Variants in IL1RAPL2 observed in about 807,000 individuals in gnomAD.
IL1RAPL2 encodes the protein X-linked interleukin-1 receptor accessory protein-like 2.
A neutral mutation model predicts 44.1 loss-of-function variants in IL1RAPL2; 3 were observed. That is an observed-to-expected ratio of 0.07 (90% CI 0.03 to 0.18). The LOEUF is 0.18. IL1RAPL2 is among the 10% of genes least tolerant of loss of function. The pLI is 1.00. For missense variants in IL1RAPL2, 391 were observed against 496.4 expected, an observed-to-expected ratio of 0.79 and a Z score of 2.02; for synonymous variants, 181 against 178.8, an observed-to-expected ratio of 1.01 and a Z score of -0.10.
intron 2 of IL1RAPL2, among the ~76,000 whole-genome samples, chrX:105,009,670 A>G (rs1485511237): frequency 1.8e-5 from 2 of 108,809 alleles, no homozygotes; most frequent in African/African-American, 6.7e-5. Flanking sequence ...TAATGGGTGC[A>G]GCACACCAAC....
chrX:104,885,873 G>A lies in IL1RAPL2; in HGVS notation c.82+226878G>A, dbSNP rs886229608. 1.1e-4 allele frequency among the ~76,000 whole-genome samples: 12 copies of A among 113,199 alleles called. No homozygotes were observed. In the South Asian group the frequency reaches 1.8e-3, roughly 17 times the overall value. On this transcript the variant is annotated intron_variant, in intron 2 of 10. Coordinates refer to ENST00000372582, the MANE Select transcript of IL1RAPL2 (RefSeq NM_017416.2). ...TGCTATGCTGAGGCAATCACTGGAA[G>A]GTGCACTGCCCCAGAGTGCAATGGT... is the stretch of plus-strand genomic sequence containing the variant.
intron 2 of IL1RAPL2, among the ~76,000 whole-genome samples, chrX:105,050,913 G>A (rs2031911942): frequency 8.9e-6 from 1 of 112,450 alleles, no homozygotes; most frequent in South Asian, 3.7e-4. Context: ...GCTCCTTTGT[G>A]CAGCTGGTCA....
intron 2 of IL1RAPL2, among the ~76,000 whole-genome samples, chrX:104,835,797 T>A (rs1219232433): frequency 8.9e-6 from 1 of 112,089 alleles, no homozygotes; most frequent in East Asian, 2.8e-4. Context: ...AGTTCTTCTG[T>A]GGGTAAAATT....
At chrX:104,622,019 A>T (rs1929410038) in intron 1 of IL1RAPL2, among the ~76,000 whole-genome samples, 1 of 111,129 alleles carries the variant, frequency 9.0e-6, no homozygotes, top group Non-Finnish European at 1.9e-5. Context: ...TGATGAAATC[A>T]TGTCATTTAG....
chrX:105,154,105 A>T (rs2033250447), intron 2 of IL1RAPL2, among the ~76,000 whole-genome samples: 1 of 111,743 alleles, frequency 8.9e-6, no homozygotes, highest in Admixed American at 9.5e-5. Flanking sequence ...TCAGGTTAGA[A>T]ATTGGTATCT....
intron 2 of IL1RAPL2, among the ~76,000 whole-genome samples, chrX:105,017,152 C>A (rs1252083922): frequency 9.0e-6 from 1 of 110,543 alleles, no homozygotes; most frequent in Non-Finnish European, 1.9e-5. Flanking sequence ...GTGGTGATAT[C>A]CCCTTTATCA....
intron 2 of IL1RAPL2, among the ~76,000 whole-genome samples, chrX:104,813,376 G>A (rs1429379978): frequency 1.9e-5 from 2 of 104,069 alleles, no homozygotes. Flanking sequence ...GGGCTGAAAA[G>A]GTAGACAAAC....
intron 2 of IL1RAPL2, among the ~76,000 whole-genome samples, chrX:104,993,256 T>A (rs1200700860): frequency 8.9e-6 from 1 of 111,831 alleles, no homozygotes; most frequent in Non-Finnish European, 1.9e-5. Flanking sequence ...TCTCTAATGA[T>A]GGTGCCGAAT....
intron 2 of IL1RAPL2, among the ~76,000 whole-genome samples, chrX:105,076,440 G>C (rs905204615): frequency 1.1e-4 from 12 of 111,550 alleles, no homozygotes; most frequent in African/African-American, 3.9e-4. Flanking sequence ...TTTTACATTT[G>C]CTGAGGAGTG....
rs372142866 is a variant in IL1RAPL2, at chrX:104,575,552, G to A, written c.-20+8501G>A. Among the ~76,000 whole-genome samples the A allele has an allele frequency of 4.5e-5, 5 of 111,334 alleles. No homozygotes were observed. In the East Asian group the frequency reaches 1.4e-3, roughly 31 times the overall value. On this transcript the variant is annotated intron_variant, in intron 1 of 10. Coordinates refer to ENST00000372582, the MANE Select transcript of IL1RAPL2 (RefSeq NM_017416.2). The stretch of plus-strand genomic sequence containing the variant: ...TAATTTTCTGCTCTAACTAGACAAG[G>A]ATAAAGCCTCATAAGATAGTGGCAG...
At chrX:105,409,291 A>G (rs1253463809) in intron 5 of IL1RAPL2, among the ~76,000 whole-genome samples, 3 of 110,936 alleles carry the variant, frequency 2.7e-5, no homozygotes, top group South Asian at 3.7e-4. Flanking sequence ...TGTAAAATTC[A>G]GGATAAATTA....
chrX:105,077,517 G>A (rs910113121), intron 2 of IL1RAPL2, among the ~76,000 whole-genome samples: 5 of 110,782 alleles, frequency 4.5e-5, no homozygotes, highest in African/African-American at 1.6e-4. Context: ...TGACAATTAT[G>A]TGTCTTGGAG....
chrX:105,408,194 G>A (rs1449175261), intron 5 of IL1RAPL2, among the ~76,000 whole-genome samples: 1 of 112,173 alleles, frequency 8.9e-6, no homozygotes, highest in African/African-American at 3.2e-5. Context: ...GCTGGTCCAA[G>A]ATGTAATACC....
At chrX:105,724,374 C>T (rs925729612) in intron 7 of IL1RAPL2, among the ~76,000 whole-genome samples, 1 of 110,713 alleles carries the variant, frequency 9.0e-6, no homozygotes, top group African/African-American at 3.3e-5. Context: ...TTTGTTTGCT[C>T]TCTGGGTCAG....
chrX:105,585,206 T>C (rs1052419240), intron 6 of IL1RAPL2, among the ~76,000 whole-genome samples: 1 of 110,950 alleles, frequency 9.0e-6, no homozygotes, highest in African/African-American at 3.3e-5. Flanking sequence ...TGGATTTTAA[T>C]ATGTTTCTAT....
At chrX:105,600,606 T>C (rs2037244170) in intron 6 of IL1RAPL2, among the ~76,000 whole-genome samples, 1 of 108,602 alleles carries the variant, frequency 9.2e-6, no homozygotes, top group Non-Finnish European at 1.9e-5. Flanking sequence ...CCAATAAACT[T>C]CTTATAAATA....
At chrX:104,685,974 TA>T (rs892397406) in intron 2 of IL1RAPL2, among the ~76,000 whole-genome samples, 43 of 108,310 alleles carry the variant, frequency 4.0e-4, no homozygotes, top group African/African-American at 6.3e-4. Flanking sequence ...AATAAAAACT[TA>T]AAAAAAAAGA....
chrX:105,106,487 T>C (rs1280980790), intron 2 of IL1RAPL2, among the ~76,000 whole-genome samples: 2 of 111,274 alleles, frequency 1.8e-5, no homozygotes, highest in South Asian at 7.4e-4. Context: ...ATTCTGTTTT[T>C]CTTAGGTCAT....
At chrX:104,881,036 A>G in intron 2 of IL1RAPL2, among the ~76,000 whole-genome samples, 1 of 111,677 alleles carries the variant, frequency 9.0e-6, no homozygotes, top group Non-Finnish European at 1.9e-5. Flanking sequence ...GCAGTTTAAT[A>G]TTTTTTTAAG....
Sources: gnomAD v4.1 joint callset for allele counts (sites outside exome capture counted in the v4.1 genomes callset) on GRCh38, gnomAD v4.1.1 for gene constraint, MANE v1.5 for transcripts, NCBI Gene and HGNC (gene_info 2026-07-23, HGNC 2026-07-21) for gene names.